The following SEMA6C variants were observed in gnomAD, a reference collection of about 807,000 sequenced individuals.
SEMA6C encodes semaphorin-6C.
In SEMA6C, 37 loss-of-function variants were observed where a neutral mutation model predicts 72.9. The observed-to-expected ratio is 0.51, with a 90% CI of 0.39 to 0.67. SEMA6C has a LOEUF of 0.67. Ranked by LOEUF, SEMA6C falls within the 30% of genes least tolerant of loss-of-function variation. The probability of loss-of-function intolerance (pLI) is 0.00; values close to 1 mark genes in which losing one functional copy is unlikely to be tolerated. For synonymous variants in SEMA6C, 578 were observed against 554.1 expected (o/e 1.04, Z -0.61); for missense variants, 1,189 against 1,263.6 (o/e 0.94, Z 0.89).
intron 4 of SEMA6C, 124 bp downstream of exon 4, chr1:151,139,852 G>T: frequency 8.2e-7 from 1 of 1,224,000 alleles, no homozygotes; most frequent in Non-Finnish European, 1.2e-6. Flanking sequence ...GTCCAAGCAT[G>T]TCCACACCCC....
rs1167401790 is a variant in SEMA6C at position 151,137,404 on chromosome 1, C to T, written c.756+307G>A. ...GAGCTTGCAGTGAGCCAAGATGGCGCCACTGCACTCCAGCCTGGGCGACAG... is the reference window on the plus strand; with the variant it reads ...GAGCTTGCAGTGAGCCAAGATGGCGTCACTGCACTCCAGCCTGGGCGACAG... On this transcript the variant is annotated intron_variant, in intron 10 of 18. Transcript: ENST00000368914. 4.9e-5 allele frequency among the ~76,000 whole-genome samples: 7 copies of T among 143,510 alleles called. No individual in the cohort carries two copies. The Admixed American group carries it at 5.3e-4, about 11-fold the overall frequency. The allele number at this position is 143,510 out of a possible 152,430, so 94.1% of individuals were successfully genotyped here. A position where few individuals can be genotyped will look rare whatever the true frequency, so the allele number is the denominator to read the frequency against.
In SEMA6C at chr1:151,133,347, C is replaced by G. The variant is rs1310127249; in HGVS notation, c.1930G>C (p.Gly644Arg). Residue 644 changes from glycine (G) to arginine (R), a missense_variant, in exon 19 of 19, where the codon GGG (glycine) becomes CGG (arginine). Coordinates refer to ENST00000368914, the MANE Select transcript of SEMA6C (RefSeq NM_030913.6). This position sits in a 1 kb window ranked among gnomAD's most constrained non-coding sequence, Gnocchi z 5.9. ...CGGAGGGAGAGAGGGCGCGGGAGCC[C>G]CGGAGTCTCGATGTCCTTGCCCCGA... ...RRRGKDIETP[G>R]LPRPLSLRSL... is the part of the protein sequence containing the mutation. 6.3e-7 allele frequency: 1 copy of G among 1,598,250 alleles called. No individual in the cohort carries two copies. Among genetic ancestry groups the G allele is most frequent in the South Asian group, 1.1e-5 (1 of 89,744 alleles).
chr1:151,141,865 T>C (rs915675046), intron 3 of SEMA6C, among the ~76,000 whole-genome samples: 4 of 151,306 alleles, frequency 2.6e-5, no homozygotes, highest in African/African-American at 9.7e-5. Flanking sequence ...TCAAGTGATC[T>C]TCCTGCCTCA....
At position 151,136,847 on chromosome 1, in the gene SEMA6C, T is replaced by C. The variant is rs766705898; in HGVS notation, c.974+10A>G. ...ACAGATTGGGTCACACTAGTCAGCCTAGTACCAACCTATTGGTCTGGGTGG... is the reference window on the plus strand; with the variant it reads ...ACAGATTGGGTCACACTAGTCAGCCCAGTACCAACCTATTGGTCTGGGTGG... On this transcript the variant is annotated intron_variant, in intron 11 of 18. Transcript: ENST00000368914. 6.2e-7 allele frequency: 1 copy of C among 1,610,254 alleles called. No homozygotes were observed. Among genetic ancestry groups the C allele is most frequent in the East Asian group, 2.2e-5 (1 of 44,844 alleles).
At chr1:151,137,488 G>A (rs1018307609) in intron 10 of SEMA6C, among the ~76,000 whole-genome samples, 2 of 151,628 alleles carry the variant, frequency 1.3e-5, no homozygotes, top group African/African-American at 4.8e-5. Context: ...AATGTGAGGG[G>A]CACAGTGAAT....
chr1:151,133,207 C>A lies in SEMA6C; in HGVS notation c.2070G>T (p.Val690=), dbSNP rs1266220458. 21 of 1,573,358 alleles carry A rather than the reference C, an allele frequency of 1.3e-5. No homozygotes were observed. The highest frequency in any genetic ancestry group is 1.8e-5 in the Non-Finnish European group (21 of 1,167,578). Residue 690 remains valine, a synonymous_variant, in exon 19 of 19, where the codon GTG becomes GTT. Transcript: ENST00000368914. The surrounding 1 kb of genome is among the most constrained non-coding windows in gnomAD (Gnocchi z 5.9). The part of the protein sequence containing the change: ...YTTFLPPPEG[V]PPPELACLPT... ...GCAGGCAGGCCAGCTCCGGCGGGGGCACGCCCTCCGGAGGCGGCAGGAAGG... is the reference window on the plus strand; with the variant it reads ...GCAGGCAGGCCAGCTCCGGCGGGGGAACGCCCTCCGGAGGCGGCAGGAAGG...
intron 6 of SEMA6C, among the ~76,000 whole-genome samples, chr1:151,139,198 C>T (rs1682318528): frequency 6.6e-6 from 1 of 152,206 alleles, no homozygotes; most frequent in African/African-American, 2.4e-5. Flanking sequence ...GTTTGCTGGC[C>T]CTCTGGCCTT....
chr1:151,135,322 C>G lies in SEMA6C; in HGVS notation c.1434-13G>C. ...CTTCCCACTGCACCTAGGGTGAGGC[C>G]AGAAGGAACCAGAGATGGACAGATG... On this transcript the variant is annotated splice_polypyrimidine_tract_variant and intron_variant, in intron 14 of 18. Transcript: ENST00000368914. 1 of 1,609,004 alleles carries G rather than the reference C, an allele frequency of 6.2e-7. No homozygotes were observed. The highest frequency in any genetic ancestry group is 8.5e-7 in the Non-Finnish European group (1 of 1,177,898).
In SEMA6C at chr1:151,132,283, C is replaced by T. The variant is rs771848511; in HGVS notation, c.*201G>A. ...TGGCTCACTGAGGAGACGGGCTTCT[C>T]ACCTCCCACTCTTCTGTCGAGGACA... On this transcript the variant is annotated 3_prime_UTR_variant, in exon 19 of 19. Coordinates refer to ENST00000368914, the MANE Select transcript of SEMA6C (RefSeq NM_030913.6). 817 of 1,533,308 alleles carry T rather than the reference C, an allele frequency of 5.3e-4. 1 individual carries two copies. The highest frequency in any genetic ancestry group is 5.3e-3 in the Middle Eastern group (31 of 5,890). 95.0% of individuals were successfully genotyped at this position (1,533,308 alleles called of 1,614,324 possible).
In SEMA6C at chr1:151,132,953, T is replaced by C; in HGVS notation, c.2324A>G (p.His775Arg). 1.4e-6 allele frequency: 2 copies of C among 1,410,502 alleles called. No homozygotes were observed. Among genetic ancestry groups the C allele is most frequent in the Non-Finnish European group, 1.9e-6 (2 of 1,078,878 alleles). The allele number at this position is 1,410,502 out of a possible 1,614,324, so 87.4% of individuals were successfully genotyped here. A position where few individuals can be genotyped will look rare whatever the true frequency, so the allele number is the denominator to read the frequency against. ...TTLEELLRYL[H>R]GPQPPRKGAE... ...CCCCTTTCTGGGCGGCTGCGGGCCG[T>C]GCAGGTAGCGCAGCAGTTCCTCCAG... The change falls in exon 19 of 19, where the codon CAC (histidine) becomes CGC (arginine). Residue 775 changes from histidine to arginine, a missense_variant. Around this residue, in one of 2 missense-constraint regions of SEMA6C, gnomAD observed 721 missense variants for 686.2 expected, o/e 1.05. Transcript: ENST00000368914.
rs77474737 is a variant in SEMA6C, at chr1:151,141,297, T to A, written c.118+1207A>T. Among the ~76,000 whole-genome samples, 169 of 152,304 alleles carry A rather than the reference T, an allele frequency of 1.1e-3. 1 individual carries two copies. The highest frequency in any genetic ancestry group is 3.8e-3 in the African/African-American group (156 of 41,566). On this transcript the variant is annotated intron_variant, in intron 3 of 18. Coordinates refer to ENST00000368914, the MANE Select transcript of SEMA6C (RefSeq NM_030913.6). ...TAGTATTAGACCTTCTCTATGTAGC[T>A]AAGAATAACAGGAAACACATATAAA...
At position 151,133,035 on chromosome 1, in the gene SEMA6C, C is replaced by T; in HGVS notation, c.2242G>A (p.Val748Met). Residue 748 changes from valine to methionine, a missense_variant, in exon 19 of 19, where the codon GTG becomes ATG. Coordinates refer to ENST00000368914, the MANE Select transcript of SEMA6C (RefSeq NM_030913.6). This position sits in a 1 kb window ranked among gnomAD's most constrained non-coding sequence, Gnocchi z 5.9. ...GHAAGGPAPR[V>M]LVRPPPPGCP... ...CCGGGCGGCGGTGGCCTCACCAGCA[C>T]GCGGGGCGCGGGCCCGCCCGCCGCG... The T allele has an allele frequency of 1.4e-6, 2 of 1,384,138 alleles. No homozygotes were observed. The highest frequency in any genetic ancestry group is 1.9e-6 in the Non-Finnish European group (2 of 1,074,700). 85.7% of individuals were successfully genotyped at this position (1,384,138 alleles called of 1,614,324 possible).
chr1:151,133,042 C>G lies in SEMA6C; in HGVS notation c.2235G>C (p.Ala745=). 7.1e-7 allele frequency: 1 copy of G among 1,399,646 alleles called. No individual in the cohort carries two copies. The highest frequency in any genetic ancestry group is 2.2e-4 in the Middle Eastern group (1 of 4,556). The allele number at this position is 1,399,646 out of a possible 1,614,324, so 86.7% of individuals were successfully genotyped here. The change falls in exon 19 of 19, where the codon GCG becomes GCC. Residue 745 remains alanine, a synonymous_variant. Transcript: ENST00000368914. This position sits in a 1 kb window ranked among gnomAD's most constrained non-coding sequence, Gnocchi z 5.9. The part of the protein sequence containing the change: ...SRGGHAAGGP[A]PRVLVRPPPP... ...GCGGTGGCCTCACCAGCACGCGGGG[C>G]GCGGGCCCGCCCGCCGCGTGCCCGC...
In SEMA6C at chr1:151,132,249, C is replaced by A. The variant is rs759497464; in HGVS notation, c.*235G>T. On this transcript the variant is annotated 3_prime_UTR_variant, in exon 19 of 19. Transcript: ENST00000368914. ...GGGAGTGGGAGTCCGCCAGCTCCCC[C>A]TGAAATGCTGGCTCACTGAGGAGAC... The A allele has an allele frequency of 5.3e-6, 8 of 1,522,408 alleles. No homozygotes were observed. The highest frequency in any genetic ancestry group is 7.0e-6 in the Non-Finnish European group (8 of 1,138,728). The allele number at this position is 1,522,408 out of a possible 1,614,324, so 94.3% of individuals were successfully genotyped here.
intron 17 of SEMA6C, 48 bp downstream of exon 17, chr1:151,134,572 T>C: frequency 6.2e-7 from 1 of 1,611,866 alleles, no homozygotes; most frequent in Non-Finnish European, 8.5e-7. Flanking sequence ...GTGGCCATCA[T>C]GGCCATGTGC....
chr1:151,133,386 G>T lies in SEMA6C; in HGVS notation c.1891C>A (p.Arg631Ser). ...SGLLVSCACR[R>S]AHRRRGKDIE... ...TCCTTGCCCCGACGTCGGTGGGCGCGGCGACAAGCACAGGAGACCAGGAGG... is the reference window on the plus strand; with the variant it reads ...TCCTTGCCCCGACGTCGGTGGGCGCTGCGACAAGCACAGGAGACCAGGAGG... Residue 631 changes from arginine (R) to serine (S), a missense_variant, in exon 19 of 19, where the codon CGC becomes AGC. Transcript: ENST00000368914. The surrounding 1 kb of genome is among the most constrained non-coding windows in gnomAD (Gnocchi z 5.9). The T allele has an allele frequency of 6.3e-7, 1 of 1,599,188 alleles. No individual in the cohort carries two copies. The highest frequency in any genetic ancestry group is 8.5e-7 in the Non-Finnish European group (1 of 1,175,492).
Position 151,145,033 on chromosome 1 carries a change from G to A in SEMA6C, c.-104-599C>T, listed in dbSNP as rs1024683724. On this transcript the variant is annotated intron_variant, in intron 1 of 18. Coordinates refer to ENST00000368914, the MANE Select transcript of SEMA6C (RefSeq NM_030913.6). The surrounding 1 kb of genome is among the most constrained non-coding windows in gnomAD (Gnocchi z 4.4). ...CTCAACTATGATACACCTTTAAGAG[G>A]GCTTCTTGTAGCTGTTTCTGGGAAG... 1 of 152,138 alleles carries A rather than the reference G, an allele frequency of 6.6e-6. No homozygotes were observed. 9.4% of individuals were successfully genotyped at this position (152,138 alleles called of 1,614,324 possible).
chr1:151,132,581 C>T lies in SEMA6C; in HGVS notation c.2696G>A (p.Arg899Lys). 1.3e-6 allele frequency: 2 copies of T among 1,551,530 alleles called. No homozygotes were observed. Among genetic ancestry groups the T allele is most frequent in the Non-Finnish European group, 1.7e-6 (2 of 1,147,330 alleles). ...PEGYRGRALK[R>K]VDVEKPQLSL... is the part of the protein sequence containing the mutation. ...CAACTGGGGCTTCTCGACGTCCACC[C>T]TTTTCAGGGCGCGGCCCCGGTAGCC... is the stretch of plus-strand genomic sequence containing the variant. Residue 899 changes from arginine to lysine, a missense_variant, in exon 19 of 19, where the codon AGG becomes AAG. Physicochemically the swap from Arg to Lys is conservative, Grantham distance 26. Around this residue, in one of 2 missense-constraint regions of SEMA6C, gnomAD observed 721 missense variants for 686.2 expected, o/e 1.05. Transcript: ENST00000368914.
rs1332865400 is a variant in SEMA6C at position 151,133,995 on chromosome 1, CG to C, written c.1759+405del. The stretch of plus-strand genomic sequence containing the variant: ...AACTCCAAGAGTGGAAGACTGGGGC[CG>C]GGGGTGGGCATCACTGGGAGGACTG... On this transcript the variant is annotated intron_variant, in intron 18 of 18. Transcript: ENST00000368914. This position sits in a 1 kb window ranked among gnomAD's most constrained non-coding sequence, Gnocchi z 5.9. The C allele has an allele frequency of 1.3e-6, 2 of 1,536,766 alleles. No homozygotes were observed. Among genetic ancestry groups the C allele is most frequent in the Non-Finnish European group, 1.8e-6 (2 of 1,141,350 alleles).
Sources: gnomAD v4.1 joint callset for allele counts (sites outside exome capture counted in the v4.1 genomes callset) on GRCh38, gnomAD v4.1.1 for gene constraint, gnomAD v4.1.1 regional missense constraint, Gnocchi (gnomAD v3.1) non-coding constraint, MANE v1.5 for transcripts, NCBI Gene and HGNC (gene_info 2026-07-23, HGNC 2026-07-21) for gene names.